Variants in UVRAG observed in about 807,000 individuals in gnomAD.
UVRAG encodes UV radiation resistance associated, also known as UV radiation resistance-associated gene protein.
In UVRAG, 19 loss-of-function variants were observed where a neutral mutation model predicts 78.0. The ratio of observed to expected loss-of-function variants is 0.24; its 90% CI spans 0.17 to 0.36. The LOEUF (loss-of-function observed/expected upper bound fraction) is 0.36. Ranked by LOEUF, UVRAG falls within the 10% of genes least tolerant of loss-of-function variation. The pLI, the probability that UVRAG is intolerant of heterozygous loss-of-function variation, is 1.00. For missense variants in UVRAG, 740 were observed against 853.8 expected (o/e 0.87, Z 1.66); for synonymous variants, 323 against 324.6 (o/e 1.00, Z 0.05).
intron 1 of UVRAG, among the ~76,000 whole-genome samples, chr11:75,844,275 T>C (rs1248782002): frequency 2.6e-5 from 4 of 152,068 alleles, no homozygotes; most frequent in Non-Finnish European, 5.9e-5. Flanking sequence ...TCGCCCAGGC[T>C]GGAGTGCAGT....
Position 75,983,371 on chromosome 11 carries a change from G to C in UVRAG, c.700-16G>C, listed in dbSNP as rs779128889. On this transcript the variant is annotated splice_polypyrimidine_tract_variant and intron_variant, in intron 7 of 14. Coordinates refer to ENST00000356136, the MANE Select transcript of UVRAG (RefSeq NM_003369.4). The stretch of plus-strand genomic sequence containing the variant: ...CATTTATATTCATAAATATACCTGT[G>C]ATTTTATTTATTTAGAAAAAAAAAA... 6.4e-7 allele frequency: 1 copy of C among 1,569,250 alleles called. No homozygotes were observed.
rs1217532209 is a variant in UVRAG, at chr11:75,877,729, C to T, written c.271-2150C>T. The stretch of plus-strand genomic sequence containing the variant: ...CTCCTGGACGGGGCGGCTGGCCGGG[C>T]GGGGGGCTGACCCCCCCACTTCCCT... On this transcript the variant is annotated intron_variant, in intron 3 of 14. Coordinates refer to ENST00000356136, the MANE Select transcript of UVRAG (RefSeq NM_003369.4). Among the ~76,000 whole-genome samples the T allele has an allele frequency of 4.4e-5, 6 of 137,138 alleles. 1 individual carries two copies. Among genetic ancestry groups the T allele is most frequent in the African/African-American group, 1.4e-4 (5 of 35,788 alleles). 90.0% of individuals were successfully genotyped at this position (137,138 alleles called of 152,430 possible). A position where few individuals can be genotyped will look rare whatever the true frequency, so the allele number is the denominator to read the frequency against.
chr11:76,036,818 T>C (rs993728507), intron 12 of UVRAG, among the ~76,000 whole-genome samples: 1 of 151,180 alleles, frequency 6.6e-6, no homozygotes, highest in Non-Finnish European at 1.5e-5. Flanking sequence ...GAACATACTG[T>C]GAACAGTTTT....
intron 9 of UVRAG, among the ~76,000 whole-genome samples, chr11:76,006,248 A>C (rs531611928): frequency 1.3e-5 from 2 of 152,288 alleles, no homozygotes; most frequent in South Asian, 4.1e-4. Flanking sequence ...ATGTCATGTT[A>C]TACTTTGATC....
At chr11:75,893,634 A>G (rs1165360260) in intron 5 of UVRAG, among the ~76,000 whole-genome samples, 1 of 146,332 alleles carries the variant, frequency 6.8e-6, no homozygotes, top group Non-Finnish European at 1.5e-5. Context: ...GTAATTTGAG[A>G]CCAGCTAGGG....
intron 5 of UVRAG, among the ~76,000 whole-genome samples, chr11:75,890,497 T>A (rs1429125420): frequency 1.3e-5 from 2 of 152,164 alleles, no homozygotes. Context: ...ATGAAGTAAC[T>A]GGATGGATAA....
intron 5 of UVRAG, among the ~76,000 whole-genome samples, chr11:75,908,712 CTTTTTTTTTTTT>C (rs1024795820): frequency 4.4e-4 from 20 of 45,452 alleles, no homozygotes; most frequent in South Asian, 1.4e-3. Flanking sequence ...TGGTTCTGGG[CTTTTTTTTTTTT>C]TTTTTTTTTT....
intron 13 of UVRAG, among the ~76,000 whole-genome samples, chr11:76,066,535 C>T (rs928343557): frequency 3.9e-5 from 6 of 151,960 alleles, no homozygotes; most frequent in Non-Finnish European, 7.4e-5. Context: ...TGCAATGGCG[C>T]GATCTCGGCT....
At chr11:75,963,025 G>A (rs894114115) in intron 7 of UVRAG, among the ~76,000 whole-genome samples, 1 of 152,080 alleles carries the variant, frequency 6.6e-6, no homozygotes. Context: ...TTGGATTTTT[G>A]AACTGAACGT....
rs60133924 is a variant in UVRAG, at chr11:76,053,344, A to ACACACACACACACACACACACACAC, written c.1227-12366_1227-12365insCACACACACACACACACACACACAC. 1.7e-3 allele frequency among the ~76,000 whole-genome samples: 246 copies of ACACACACACACACACACACACACAC among 142,400 alleles called. 3 individuals are homozygous for ACACACACACACACACACACACACAC. The highest frequency in any genetic ancestry group is 4.1e-3 in the African/African-American group (153 of 36,880). 93.4% of individuals were successfully genotyped at this position (142,400 alleles called of 152,430 possible). On this transcript the variant is annotated intron_variant, in intron 12 of 14. Transcript: ENST00000356136. Reference sequence around the variant, plus strand: ...ACACACACACACACACACACACACAAAAATAAATATGCACCTGCTCCTTCT... The same window carrying ACACACACACACACACACACACACAC: ...ACACACACACACACACACACACACAACACACACACACACACACACACACACAAATAAATATGCACCTGCTCCTTCT...
intron 5 of UVRAG, among the ~76,000 whole-genome samples, chr11:75,900,474 A>G (rs1947468143): frequency 6.6e-6 from 1 of 152,058 alleles, no homozygotes; most frequent in South Asian, 2.1e-4. Flanking sequence ...ATTTGGCCAT[A>G]CATCCTTTCT....
chr11:75,876,822 A>G (rs1383878651), intron 3 of UVRAG, among the ~76,000 whole-genome samples: 1 of 151,706 alleles, frequency 6.6e-6, no homozygotes, highest in Non-Finnish European at 1.5e-5. Flanking sequence ...CAGCAGTGAA[A>G]GCCCTTATGT....
chr11:76,113,027 GT>G (rs1384492460), intron 13 of UVRAG, among the ~76,000 whole-genome samples: 3 of 152,170 alleles, frequency 2.0e-5, no homozygotes, highest in Admixed American at 6.5e-5. Flanking sequence ...TAAGATTTTT[GT>G]TAGAGTTTGG....
chr11:76,003,059 C>CA (rs1554976041), intron 8 of UVRAG, among the ~76,000 whole-genome samples: 1 of 151,406 alleles, frequency 6.6e-6, no homozygotes, highest in Non-Finnish European at 1.5e-5. Flanking sequence ...GCTTGGGTGA[C>CA]AGAAACCCTG....
intron 11 of UVRAG, among the ~76,000 whole-genome samples, chr11:76,011,846 G>A (rs1254994300): frequency 1.3e-5 from 2 of 152,156 alleles, no homozygotes; most frequent in African/African-American, 4.8e-5. Flanking sequence ...CATACTCTGT[G>A]TCAGGCACTT....
Position 75,815,384 on chromosome 11 carries a change from C to A in UVRAG, c.-24C>A. 8.3e-7 allele frequency: 1 copy of A among 1,200,836 alleles called. No individual in the cohort carries two copies. The highest frequency in any genetic ancestry group is 1.6e-5 in the African/African-American group (1 of 63,860). 74.4% of individuals were successfully genotyped at this position (1,200,836 alleles called of 1,614,324 possible). On this transcript the variant is annotated 5_prime_UTR_variant, in exon 1 of 15. Coordinates refer to ENST00000356136, the MANE Select transcript of UVRAG (RefSeq NM_003369.4). ...GGATGCCGGAAGAGTGCCCGCCCCG[C>A]CGCTTGGCGGCCCCTGGATCGAGAT...
At chr11:75,832,387 C>G (rs1444620432) in intron 1 of UVRAG, among the ~76,000 whole-genome samples, 1 of 152,126 alleles carries the variant, frequency 6.6e-6, no homozygotes, top group Non-Finnish European at 1.5e-5. Context: ...TCCTTGTGTT[C>G]AGTAATTTGT....
intron 11 of UVRAG, among the ~76,000 whole-genome samples, chr11:76,015,371 A>G (rs1425856158): frequency 6.6e-6 from 1 of 152,118 alleles, no homozygotes; most frequent in East Asian, 1.9e-4. Flanking sequence ...ATGTTTAACA[A>G]TAAATTTATG....
intron 13 of UVRAG, among the ~76,000 whole-genome samples, chr11:76,075,122 ATGCTTT>A (rs1951380549): frequency 6.6e-6 from 1 of 152,210 alleles, no homozygotes; most frequent in Non-Finnish European, 1.5e-5. Flanking sequence ...AGAAGAAAAT[ATGCTTT>A]TATTTTCATA....
Sources: allele counts gnomAD v4.1 joint callset (sites outside exome capture counted in the v4.1 genomes callset), GRCh38; gene constraint gnomAD v4.1.1; transcripts MANE v1.5; gene names NCBI Gene and HGNC (gene_info 2026-07-23, HGNC 2026-07-21).